Variants in DAB1 observed in about 807,000 individuals in gnomAD.
DAB1 encodes the protein DAB adaptor protein 1, also known as disabled homolog 1.
A neutral mutation model predicts 64.6 loss-of-function variants in DAB1; 15 were observed. That is an observed-to-expected ratio of 0.23 (90% CI 0.16 to 0.36). The LOEUF (loss-of-function observed/expected upper bound fraction) is 0.36. Ranked by LOEUF, DAB1 falls within the 10% of genes least tolerant of loss-of-function variation. The pLI is 1.00. For missense variants in DAB1, 596 were observed against 706.7 expected (o/e 0.84, Z 1.78); for synonymous variants, 235 against 251.9 (o/e 0.93, Z 0.64).
At chr1:57,405,518 A>T (rs1683562615) in intron 1 of DAB1, among the ~76,000 whole-genome samples, 1 of 152,242 alleles carries the variant, frequency 6.6e-6, no homozygotes, top group Non-Finnish European at 1.5e-5. Context: ...TAGGCCAGTT[A>T]TCTTTAGTCC....
At chr1:57,268,794 T>C (rs981384633) in intron 2 of DAB1, among the ~76,000 whole-genome samples, 6 of 152,202 alleles carry the variant, frequency 3.9e-5, no homozygotes, top group African/African-American at 1.4e-4. Context: ...TAAACACAGA[T>C]GATCTGTCAA....
At chr1:58,471,428 G>A (rs993854154) in intron 3 of DAB1, among the ~76,000 whole-genome samples, 2 of 152,120 alleles carry the variant, frequency 1.3e-5, no homozygotes, top group Admixed American at 6.5e-5. Context: ...TGGCTTAGGT[G>A]AACAGCATTA....
chr1:57,141,297 T>G (rs1386626345), intron 3 of DAB1, among the ~76,000 whole-genome samples: 2 of 152,202 alleles, frequency 1.3e-5, no homozygotes, highest in South Asian at 4.1e-4. Flanking sequence ...TCCTTCTCCA[T>G]GGCTCCAGTT....
intron 1 of DAB1, among the ~76,000 whole-genome samples, chr1:57,421,494 T>G (rs1252306690): frequency 6.6e-6 from 1 of 152,190 alleles, no homozygotes; most frequent in African/African-American, 2.4e-5. Flanking sequence ...TCCTACTTGA[T>G]AGCAGCACCG....
intron 7 of DAB1, among the ~76,000 whole-genome samples, chr1:57,443,873 T>A (rs1686042682): frequency 2.0e-5 from 3 of 152,222 alleles, no homozygotes. Flanking sequence ...CTATAACATG[T>A]GTTCCAAATA....
At chr1:57,774,464 T>C (rs1238293161) in intron 6 of DAB1, among the ~76,000 whole-genome samples, 1 of 151,750 alleles carries the variant, frequency 6.6e-6, no homozygotes, top group Admixed American at 6.6e-5. Flanking sequence ...TCCAGTACAA[T>C]GTTGAATAGA....
chr1:58,105,923 C>A (rs1223334483), intron 5 of DAB1, among the ~76,000 whole-genome samples: 2 of 152,178 alleles, frequency 1.3e-5, no homozygotes, highest in African/African-American at 4.8e-5. Context: ...AACAAAACTT[C>A]ATTTAGCATT....
At chr1:58,209,145 G>T (rs1413020663) in intron 4 of DAB1, among the ~76,000 whole-genome samples, 1 of 152,162 alleles carries the variant, frequency 6.6e-6, no homozygotes, top group Non-Finnish European at 1.5e-5. Context: ...GGATCTAAAG[G>T]CTGACCAGCA....
intron 1 of DAB1, among the ~76,000 whole-genome samples, chr1:57,323,507 T>C (rs1293866817): frequency 6.6e-6 from 1 of 152,150 alleles, no homozygotes; most frequent in Admixed American, 6.5e-5. Context: ...CACTCAAACA[T>C]TAATCACTTT....
chr1:57,078,290 G>A (rs921935141), intron 4 of DAB1, among the ~76,000 whole-genome samples: 2 of 152,120 alleles, frequency 1.3e-5, no homozygotes, highest in African/African-American at 4.8e-5. Context: ...GATAATGGAG[G>A]AAAGATATGG....
intron 2 of DAB1, among the ~76,000 whole-genome samples, chr1:57,149,661 A>G (rs1170093100): frequency 2.0e-5 from 3 of 152,128 alleles, no homozygotes; most frequent in Admixed American, 2.0e-4. Context: ...CAAATCCCAG[A>G]GCCTCAGTTT....
intron 9 of DAB1, among the ~76,000 whole-genome samples, chr1:57,043,996 C>T (rs1363184671): frequency 6.6e-6 from 1 of 152,196 alleles, no homozygotes. Context: ...CATGTTCTCC[C>T]TTCATGGTGA....
chr1:57,982,857 A>G (rs1237781985), intron 5 of DAB1, among the ~76,000 whole-genome samples: 1 of 152,186 alleles, frequency 6.6e-6, no homozygotes, highest in Non-Finnish European at 1.5e-5. Context: ...GAGCTTTGTA[A>G]GCCTGGCACT....
At chr1:58,440,275 C>A (rs911642421) in intron 3 of DAB1, among the ~76,000 whole-genome samples, 3 of 152,198 alleles carry the variant, frequency 2.0e-5, no homozygotes, top group Non-Finnish European at 4.4e-5. Flanking sequence ...CAGCACTCAC[C>A]AGAACCTACT....
chr1:58,172,898 A>C (rs1656255756), intron 4 of DAB1, among the ~76,000 whole-genome samples: 1 of 152,262 alleles, frequency 6.6e-6, no homozygotes, highest in African/African-American at 2.4e-5. Context: ...CCATGCTGCA[A>C]TATGGAAAGA....
In DAB1 at chr1:57,267,894, G is replaced by A. The variant is rs375467851; in HGVS notation, c.67+23070C>T. On this transcript the variant is annotated intron_variant, in intron 2 of 14. Transcript: ENST00000371236. ...GCTCCCCCATGCTGCTGTGCTATGA[G>A]AGCGGAGAGTGGGAAAACAATTAAA... 6.2e-4 allele frequency among the ~76,000 whole-genome samples: 94 copies of A among 152,300 alleles called. 1 individual carries two copies. The South Asian group carries it at 0.017, about 27-fold the overall frequency.
At chr1:58,108,076 G>C (rs1290450265) in intron 5 of DAB1, among the ~76,000 whole-genome samples, 1 of 152,198 alleles carries the variant, frequency 6.6e-6, no homozygotes. Context: ...TCATGAGTCT[G>C]GCTGCACACA....
rs180853099 is a variant in DAB1, at chr1:56,996,755, C to T, written c.*1389G>A. 3 of 152,304 alleles carry T rather than the reference C, an allele frequency of 2.0e-5. No individual in the cohort carries two copies. Among genetic ancestry groups the T allele is most frequent in the African/African-American group, 4.8e-5 (2 of 41,426 alleles). The allele number at this position is 152,304 out of a possible 1,614,324, so 9.4% of individuals were successfully genotyped here. A position where few individuals can be genotyped will look rare whatever the true frequency, so the allele number is the denominator to read the frequency against. On this transcript the variant is annotated 3_prime_UTR_variant, in exon 15 of 15. Transcript: ENST00000371236. ...CTGCACTCCAGCTTCCTACCATATG[C>T]TCCAGAATAACGTCTGGAAAGTGAG...
At chr1:57,710,970 GGTT>G (rs1647021718) in intron 6 of DAB1, among the ~76,000 whole-genome samples, 1 of 152,172 alleles carries the variant, frequency 6.6e-6, no homozygotes, top group African/African-American at 2.4e-5. Context: ...TGGAGACACT[GGTT>G]GTCAGAAATG....
Sources: gnomAD v4.1 joint callset for allele counts (sites outside exome capture counted in the v4.1 genomes callset) on GRCh38, gnomAD v4.1.1 for gene constraint, MANE v1.5 for transcripts, NCBI Gene and HGNC (gene_info 2026-07-23, HGNC 2026-07-21) for gene names.